The following NUP93 variants were observed in gnomAD, a reference collection of about 807,000 sequenced individuals.
The protein encoded by NUP93 is nucleoporin 93.
NUP93 carries 55 observed loss-of-function variants against 107.8 expected under a neutral mutation model. That is an observed-to-expected ratio of 0.51 (90% CI 0.41 to 0.64). The LOEUF (loss-of-function observed/expected upper bound fraction) is 0.64. Among genes scored for constraint, NUP93 ranks in the 30% least tolerant of loss-of-function variants. The probability of loss-of-function intolerance (pLI) is 0.00; values close to 1 mark genes in which losing one functional copy is unlikely to be tolerated. For missense variants in NUP93, 937 were observed against 1,044.7 expected, an observed-to-expected ratio of 0.90 and a Z score of 1.42; for synonymous variants, 390 against 397.5, an observed-to-expected ratio of 0.98 and a Z score of 0.22.
chr16:56,840,591 CACTCA>C (rs1252619504), intron 20 of NUP93, among the ~76,000 whole-genome samples: 2 of 152,206 alleles, frequency 1.3e-5, no homozygotes, highest in African/African-American at 2.4e-5. Flanking sequence ...GAACTATAAA[CACTCA>C]ACTCAGCTGT....
At chr16:56,826,157 T>G (rs916473015) in intron 8 of NUP93, among the ~76,000 whole-genome samples, 3 of 152,202 alleles carry the variant, frequency 2.0e-5, no homozygotes, top group Non-Finnish European at 4.4e-5. Flanking sequence ...GAGACCATAG[T>G]GGGCATCTGT....
chr16:56,817,567 G>A (rs1012189775), intron 5 of NUP93, among the ~76,000 whole-genome samples: 1 of 152,128 alleles, frequency 6.6e-6, no homozygotes, highest in Admixed American at 6.5e-5. Flanking sequence ...TAGTCAGTGG[G>A]AACTTAAGAA....
At chr16:56,748,475 G>A (rs1464911413) in intron 2 of NUP93, 49 bp downstream of exon 2, 1 of 1,479,990 alleles carries the variant, frequency 6.8e-7, no homozygotes. Context: ...CTTGCGGGCA[G>A]GATCTGTTTC....
At chr16:56,787,849 T>G (rs1234139207) in intron 3 of NUP93, among the ~76,000 whole-genome samples, 2 of 152,226 alleles carry the variant, frequency 1.3e-5, no homozygotes, top group African/African-American at 4.8e-5. Flanking sequence ...TCCCTGAATG[T>G]ATCTTCCTTA....
intron 4 of NUP93, among the ~76,000 whole-genome samples, chr16:56,805,120 C>G (rs1483382005): frequency 1.3e-5 from 2 of 151,960 alleles, no homozygotes; most frequent in South Asian, 4.2e-4. Context: ...TGCAATGTTG[C>G]GATCACAGCT....
intron 2 of NUP93, among the ~76,000 whole-genome samples, chr16:56,756,680 A>G (rs1432811463): frequency 2.0e-5 from 3 of 152,142 alleles, no homozygotes; most frequent in African/African-American, 7.2e-5. Flanking sequence ...TGCTGGGTCA[A>G]TGGTATTTCT....
chr16:56,841,192 C>A (rs1229842400), intron 20 of NUP93, among the ~76,000 whole-genome samples: 1 of 152,096 alleles, frequency 6.6e-6, no homozygotes, highest in Non-Finnish European at 1.5e-5. Context: ...TGAATGCATC[C>A]TTCATTGCAT....
intron 2 of NUP93, among the ~76,000 whole-genome samples, chr16:56,752,184 A>G (rs1961933211): frequency 6.6e-6 from 1 of 152,232 alleles, no homozygotes; most frequent in African/African-American, 2.4e-5. Flanking sequence ...ACCATGGGAC[A>G]AAATTTAGAC....
rs1266961447 is a variant in NUP93 at position 56,769,954 on chromosome 16, G to T, written c.297+11299G>T. 2.0e-5 allele frequency among the ~76,000 whole-genome samples: 3 copies of T among 152,246 alleles called. No homozygotes were observed. In the East Asian group the frequency reaches 5.8e-4, roughly 29 times the overall value. ...GGTATTATGTGTATTTGGTTTTAAAGACACAAAGCCCTCAACTTTGTGTGT... is the reference window on the plus strand; with the variant it reads ...GGTATTATGTGTATTTGGTTTTAAATACACAAAGCCCTCAACTTTGTGTGT... On this transcript the variant is annotated intron_variant, in intron 3 of 21. Coordinates refer to ENST00000308159, the MANE Select transcript of NUP93 (RefSeq NM_014669.5).
intron 3 of NUP93, among the ~76,000 whole-genome samples, chr16:56,758,980 T>C (rs1356668966): frequency 6.6e-6 from 1 of 152,262 alleles, no homozygotes; most frequent in Non-Finnish European, 1.5e-5. Flanking sequence ...TTTCGCTTTC[T>C]TTGCTAGATC....
chr16:56,767,759 C>G (rs1391237598), intron 3 of NUP93, among the ~76,000 whole-genome samples: 1 of 152,152 alleles, frequency 6.6e-6, no homozygotes, highest in African/African-American at 2.4e-5. Context: ...CAGGAGGACC[C>G]GTCTCTAAAT....
At chr16:56,831,753 T>C (rs1263501069) in intron 10 of NUP93, 89 bp from the exon 11 acceptor site, 12 of 1,343,396 alleles carry the variant, frequency 8.9e-6, no homozygotes, top group Non-Finnish European at 1.2e-5. Flanking sequence ...TTCCCTGCTT[T>C]TATGTGTTTG....
intron 1 of NUP93, among the ~76,000 whole-genome samples, chr16:56,738,286 C>T (rs956849668): frequency 1.3e-5 from 2 of 152,238 alleles, no homozygotes; most frequent in Non-Finnish European, 2.9e-5. Flanking sequence ...TTCTGCTGGA[C>T]AGCCAAGAGT....
In NUP93 at chr16:56,733,674, T is replaced by C. The variant is rs533940493; in HGVS notation, c.-15+3463T>C. On this transcript the variant is annotated intron_variant, in intron 1 of 21. Coordinates refer to ENST00000308159, the MANE Select transcript of NUP93 (RefSeq NM_014669.5). ...GTATTAGGTGGACAGTTGGAAATAC[T>C]GGCTTGGGAAAAGAGTTGGGCTGGA... Among the ~76,000 whole-genome samples, 3 of 152,210 alleles carry C rather than the reference T, an allele frequency of 2.0e-5. No individual in the cohort carries two copies. The South Asian group carries it at 6.2e-4, about 32-fold the overall frequency.
intron 4 of NUP93, among the ~76,000 whole-genome samples, chr16:56,805,229 T>C (rs1013719170): frequency 1.3e-5 from 2 of 152,114 alleles, no homozygotes; most frequent in Admixed American, 1.3e-4. Flanking sequence ...AGCTAACTTT[T>C]TGTAGAGAGG....
At chr16:56,828,793 T>C (rs370651521) in intron 8 of NUP93, among the ~76,000 whole-genome samples, 184 bp from the exon 9 acceptor site, 1 of 152,236 alleles carries the variant, frequency 6.6e-6, no homozygotes, top group South Asian at 2.1e-4. Flanking sequence ...TCTACTGTGA[T>C]CCACAGCCCA....
Position 56,734,942 on chromosome 16 carries a change from C to T in NUP93, c.-15+4731C>T, listed in dbSNP as rs538197919. ...TGTGCCCATCTCTATCTTTCTGACACGGCTGTTGCCCTGCTGAAAAACCTG... is the reference window on the plus strand; with the variant it reads ...TGTGCCCATCTCTATCTTTCTGACATGGCTGTTGCCCTGCTGAAAAACCTG... On this transcript the variant is annotated intron_variant, in intron 1 of 21. Coordinates refer to ENST00000308159, the MANE Select transcript of NUP93 (RefSeq NM_014669.5). Among the ~76,000 whole-genome samples, 21 of 152,302 alleles carry T rather than the reference C, an allele frequency of 1.4e-4. 1 individual carries two copies. The South Asian group carries it at 2.1e-3, about 15-fold the overall frequency.
intron 4 of NUP93, among the ~76,000 whole-genome samples, chr16:56,802,294 C>G (rs1021494595): frequency 6.6e-6 from 1 of 151,706 alleles, no homozygotes; most frequent in Non-Finnish European, 1.5e-5. Context: ...AGAAAATTAT[C>G]TCTTCCCCCC....
intron 6 of NUP93, among the ~76,000 whole-genome samples, chr16:56,819,625 C>G (rs1963503233): frequency 6.6e-6 from 1 of 152,190 alleles, no homozygotes; most frequent in Non-Finnish European, 1.5e-5. Context: ...AACAGGGCAG[C>G]TATGGAGGTG....
Sources: allele counts gnomAD v4.1 joint callset (sites outside exome capture counted in the v4.1 genomes callset), GRCh38; gene constraint gnomAD v4.1.1; transcripts MANE v1.5; gene names NCBI Gene and HGNC (gene_info 2026-07-23, HGNC 2026-07-21).